Variants in ASIC2 observed in about 807,000 individuals in gnomAD.
ASIC2 encodes the protein acid sensing ion channel subunit 2, also known as acid-sensing ion channel 2.
In ASIC2, 25 loss-of-function variants were observed where a neutral mutation model predicts 57.3. That is an observed-to-expected ratio of 0.44 (90% CI 0.32 to 0.61). The LOEUF (loss-of-function observed/expected upper bound fraction) is 0.61, where lower values mean the gene tolerates loss of function less well. ASIC2 is among the 20% of genes least tolerant of loss of function. The probability of loss-of-function intolerance (pLI) is 0.06; values close to 1 mark genes in which losing one functional copy is unlikely to be tolerated. For missense variants in ASIC2, 641 were observed against 738.1 expected (o/e 0.87, Z 1.52); for synonymous variants, 319 against 307.5 (o/e 1.04, Z -0.39).
intron 1 of ASIC2, among the ~76,000 whole-genome samples, chr17:33,949,067 G>A (rs923751285): frequency 2.0e-5 from 3 of 151,806 alleles, no homozygotes; most frequent in Non-Finnish European, 2.9e-5. Flanking sequence ...TAATGTTCAC[G>A]TGGCACAAAA....
rs1910771639 is a variant in ASIC2 at position 34,099,742 on chromosome 17, GAAAGAAAGAAAGAAAGAAAGAAAGAAA to G, written c.555+56209_555+56235del. ...AGAAAGAAGGAAAGAAGGAAAGAAA[GAAAGAAAGAAAGAAAGAAAGAAAGAAA>G]GAAAGAAAGAAAGAAAGAAAGAAAG... On this transcript the variant is annotated intron_variant, in intron 1 of 9. Transcript: ENST00000359872. Among the ~76,000 whole-genome samples the G allele has an allele frequency of 0.012, 10 of 854 alleles. No homozygotes were observed. The Admixed American group carries it at 0.17, about 14-fold the overall frequency. The allele number at this position is 854 out of a possible 152,430, so 0.6% of individuals were successfully genotyped here.
intron 1 of ASIC2, among the ~76,000 whole-genome samples, chr17:33,956,543 C>G (rs1904740654): frequency 6.6e-6 from 1 of 152,182 alleles, no homozygotes; most frequent in Non-Finnish European, 1.5e-5. Flanking sequence ...TGGGGAAAAG[C>G]CAACTCAGGA....
At position 33,291,738 on chromosome 17, in the gene ASIC2, G is replaced by T; in HGVS notation, c.378C>A (p.Arg126=). 1 of 1,613,276 alleles carries T rather than the reference G, an allele frequency of 6.2e-7. No individual in the cohort carries two copies. The highest frequency in any genetic ancestry group is 2.2e-5 in the East Asian group (1 of 44,842). Residue 126 remains arginine (R), a synonymous_variant, in exon 1 of 10, where the codon CGC becomes CGA. Transcript: ENST00000225823. ...SHTRVHREWS[R]QLPFPAVTVC... The stretch of plus-strand genomic sequence containing the variant: ...CAGTGACGGCGGGGAAGGGTAACTG[G>T]CGGCTCCACTCGCGGTGCACCCGCG...
intron 3 of ASIC2, among the ~76,000 whole-genome samples, chr17:33,064,536 C>T (rs1460234331): frequency 6.6e-6 from 1 of 152,186 alleles, no homozygotes; most frequent in East Asian, 1.9e-4. Flanking sequence ...ATGTTGCTGT[C>T]TGATCATTCC....
intron 1 of ASIC2, among the ~76,000 whole-genome samples, chr17:33,335,165 G>A (rs1178022634): frequency 6.6e-6 from 1 of 152,174 alleles, no homozygotes; most frequent in Admixed American, 6.5e-5. Context: ...TAGCATTAGC[G>A]CTAGCGTCCA....
At chr17:33,237,003 G>T (rs1186640579) in intron 1 of ASIC2, among the ~76,000 whole-genome samples, 2 of 152,180 alleles carry the variant, frequency 1.3e-5, no homozygotes, top group African/African-American at 4.8e-5. Context: ...CCCTAAGACA[G>T]GAGATGAAGG....
intron 1 of ASIC2, among the ~76,000 whole-genome samples, chr17:33,557,050 A>G (rs1389137902): frequency 1.3e-5 from 2 of 152,176 alleles, no homozygotes; most frequent in Non-Finnish European, 2.9e-5. Flanking sequence ...TATCATCATC[A>G]CATTAGCTAG....
chr17:33,699,535 C>G (rs1270374469), intron 1 of ASIC2, among the ~76,000 whole-genome samples: 1 of 152,182 alleles, frequency 6.6e-6, no homozygotes, highest in South Asian at 2.1e-4. Flanking sequence ...AGAATAGCAA[C>G]ATAATATTTA....
chr17:33,143,699 T>G (rs970745640), intron 1 of ASIC2, among the ~76,000 whole-genome samples: 1 of 150,870 alleles, frequency 6.6e-6, no homozygotes, highest in African/African-American at 2.4e-5. Flanking sequence ...ATAGCAACGA[T>G]AGTAAAATCA....
intron 1 of ASIC2, among the ~76,000 whole-genome samples, chr17:33,474,192 C>T (rs1270086364): frequency 6.6e-6 from 1 of 152,120 alleles, no homozygotes; most frequent in Non-Finnish European, 1.5e-5. Context: ...CATGGTGAAA[C>T]CCCATCTCTA....
intron 1 of ASIC2, among the ~76,000 whole-genome samples, chr17:33,602,300 C>G (rs577013810): frequency 1.1e-4 from 16 of 152,170 alleles, no homozygotes; most frequent in African/African-American, 3.9e-4. Context: ...CTTAATGCAA[C>G]GGTGTTGAGA....
intron 1 of ASIC2, among the ~76,000 whole-genome samples, chr17:33,170,275 A>G (rs1466197387): frequency 6.6e-6 from 1 of 152,238 alleles, no homozygotes; most frequent in Non-Finnish European, 1.5e-5. Flanking sequence ...AAGACTCAAC[A>G]CTGAGAAGTT....
intron 2 of ASIC2, among the ~76,000 whole-genome samples, chr17:33,091,246 T>C (rs1598270905): frequency 6.6e-6 from 1 of 152,140 alleles, no homozygotes; most frequent in South Asian, 2.1e-4. Flanking sequence ...TCAGTGGCTG[T>C]GTTTTCAAAA....
intron 1 of ASIC2, among the ~76,000 whole-genome samples, chr17:33,279,979 C>G (rs1342200204): frequency 2.6e-5 from 4 of 152,114 alleles, no homozygotes; most frequent in African/African-American, 4.8e-5. Context: ...CCTGGCAACC[C>G]ATTCCACCTA....
intron 3 of ASIC2, among the ~76,000 whole-genome samples, chr17:33,054,198 A>C (rs1318383619): frequency 1.3e-5 from 2 of 151,914 alleles, no homozygotes; most frequent in African/African-American, 4.8e-5. Context: ...GCAACACCAC[A>C]TTGTATTTAT....
In ASIC2 at chr17:33,554,244, T is replaced by C. The variant is rs553444459; in HGVS notation, c.556-442177A>G. Among the ~76,000 whole-genome samples, 4 of 152,216 alleles carry C rather than the reference T, an allele frequency of 2.6e-5. No homozygotes were observed. In the South Asian group the frequency reaches 6.2e-4, roughly 24 times the overall value. ...TGTTATTTGATTGTGTTGAATTCAG[T>C]TTGAGTCTACACAAATATGACACAG... On this transcript the variant is annotated intron_variant, in intron 1 of 9. Coordinates refer to the ASIC2 transcript ENST00000359872.
At chr17:33,524,479 T>C (rs965862003) in intron 1 of ASIC2, among the ~76,000 whole-genome samples, 3 of 152,226 alleles carry the variant, frequency 2.0e-5, no homozygotes, top group Admixed American at 6.5e-5. Flanking sequence ...TGAGAATTTA[T>C]GTAAAACAAG....
chr17:33,799,438 C>CTTTCTTTCTTA (rs1912049662), intron 1 of ASIC2, among the ~76,000 whole-genome samples: 48 of 46,088 alleles, frequency 1.0e-3, no homozygotes, highest in African/African-American at 3.1e-3. Context: ...TTCTTTCTTT[C>CTTTCTTTCTTA]TTTCTTTCTT....
intron 1 of ASIC2, among the ~76,000 whole-genome samples, chr17:33,473,971 A>G (rs1405897444): frequency 6.6e-6 from 1 of 152,164 alleles, no homozygotes; most frequent in Non-Finnish European, 1.5e-5. Context: ...ATTTCTAGCC[A>G]GGTACCTGGT....
Sources: allele counts gnomAD v4.1 joint callset (sites outside exome capture counted in the v4.1 genomes callset), GRCh38; gene constraint gnomAD v4.1.1; transcripts MANE v1.5; gene names NCBI Gene and HGNC (gene_info 2026-07-23, HGNC 2026-07-21).